Variants in DEPTOR observed in about 807,000 individuals in gnomAD.
DEPTOR encodes DEP domain-containing mTOR-interacting protein.
In DEPTOR, 41 loss-of-function variants were observed where a neutral mutation model predicts 41.6. The observed-to-expected ratio is 0.98, with a 90% CI of 0.77 to 1.28. The LOEUF (loss-of-function observed/expected upper bound fraction) is 1.28, where lower values mean the gene tolerates loss of function less well. DEPTOR is among the 50% of genes most tolerant of loss of function. The pLI, the probability that DEPTOR is intolerant of heterozygous loss-of-function variation, is 0.00. For synonymous variants in DEPTOR, 195 were observed against 192.3 expected, an observed-to-expected ratio of 1.01 and a Z score of -0.12; for missense variants, 514 against 527.9, an observed-to-expected ratio of 0.97 and a Z score of 0.26.
intron 1 of DEPTOR, among the ~76,000 whole-genome samples, chr8:119,904,356 T>C (rs112064984): frequency 0.014 from 2,078 of 152,190 alleles, 54 homozygotes; most frequent in African/African-American, 0.048. Flanking sequence ...TGACCTAAGA[T>C]GATCCACCCT....
At chr8:119,953,012 A>T (rs141397003) in intron 3 of DEPTOR, among the ~76,000 whole-genome samples, 147 of 152,356 alleles carry the variant, frequency 9.6e-4, no homozygotes, top group African/African-American at 3.3e-3. Context: ...TGAAAATTAT[A>T]TCAATTTAGC....
intron 3 of DEPTOR, among the ~76,000 whole-genome samples, chr8:119,948,044 T>C (rs1047134559): frequency 6.6e-6 from 1 of 152,152 alleles, no homozygotes; most frequent in African/African-American, 2.4e-5. Flanking sequence ...TCTTCTTAAC[T>C]TGGAACTTGA....
intron 5 of DEPTOR, among the ~76,000 whole-genome samples, 188 bp from the exon 6 acceptor site, chr8:120,002,789 A>ATATATATAT (rs1200601284): frequency 2.2e-4 from 13 of 59,242 alleles, no homozygotes; most frequent in African/African-American, 9.7e-4. Flanking sequence ...AAAAAAAAAA[A>ATATATATAT]AAATATATAT....
chr8:119,973,195 T>C (rs2129994643), intron 4 of DEPTOR, among the ~76,000 whole-genome samples: 1 of 152,138 alleles, frequency 6.6e-6, no homozygotes, highest in East Asian at 1.9e-4. Context: ...CACCTCAGCC[T>C]CCCAAAGTGT....
At chr8:120,014,672 C>T (rs2130118654) in intron 8 of DEPTOR, among the ~76,000 whole-genome samples, 1 of 152,052 alleles carries the variant, frequency 6.6e-6, no homozygotes. Context: ...GGACTACAGG[C>T]ATGTGCCACC....
chr8:119,932,262 G>A (rs1470020423), intron 3 of DEPTOR, among the ~76,000 whole-genome samples: 3 of 152,108 alleles, frequency 2.0e-5, no homozygotes, highest in Non-Finnish European at 4.4e-5. Context: ...TGGGACTACA[G>A]CCATGAGCTA....
rs1200601284 is a variant in DEPTOR, at chr8:120,002,789, A to ATATAT, written c.791-188_791-187insTATAT. Among the ~76,000 whole-genome samples, 207 of 59,200 alleles carry ATATAT rather than the reference A, an allele frequency of 3.5e-3. 1 individual carries two copies. Among genetic ancestry groups the ATATAT allele is most frequent in the Middle Eastern group, 0.014 (2 of 142 alleles). 38.8% of individuals were successfully genotyped at this position (59,200 alleles called of 152,430 possible). ...AAGACTCCATCTCAAAAAAAAAAAA[A>ATATAT]AAATATATATATATATATATATAAT... On this transcript the variant is annotated intron_variant, in intron 5 of 8. Transcript: ENST00000286234.
At chr8:119,948,718 C>A (rs7004896) in intron 3 of DEPTOR, among the ~76,000 whole-genome samples, 180 of 152,172 alleles carry the variant, frequency 1.2e-3, no homozygotes, top group African/African-American at 4.1e-3. Context: ...TTCATCTACC[C>A]CCTCATCCCT....
chr8:119,959,861 A>C (rs1828467677), intron 3 of DEPTOR, among the ~76,000 whole-genome samples: 1 of 152,098 alleles, frequency 6.6e-6, no homozygotes, highest in Admixed American at 6.6e-5. Context: ...CTTCTGTTAC[A>C]TGCTGAATGA....
intron 3 of DEPTOR, among the ~76,000 whole-genome samples, chr8:119,934,533 G>A (rs1828085406): frequency 6.6e-6 from 1 of 152,134 alleles, no homozygotes; most frequent in Non-Finnish European, 1.5e-5. Context: ...CTAAATCTCT[G>A]TGATCTGCAG....
chr8:120,021,090 G>GATAA (rs1491268129), intron 8 of DEPTOR, among the ~76,000 whole-genome samples: 1 of 18,580 alleles, frequency 5.4e-5, no homozygotes, highest in African/African-American at 1.7e-4. Context: ...AAATAAAATA[G>GATAA]GGCTGATAAT....
intron 3 of DEPTOR, among the ~76,000 whole-genome samples, chr8:119,956,793 G>C (rs1356188816): frequency 8.0e-6 from 1 of 124,598 alleles, no homozygotes; most frequent in Non-Finnish European, 1.6e-5. Context: ...GAAGTGCAAT[G>C]TCACAATCTC....
At chr8:119,874,095 G>A (rs1308675874) in intron 1 of DEPTOR, 127 bp downstream of exon 1, 1 of 1,504,266 alleles carries the variant, frequency 6.6e-7, no homozygotes, top group South Asian at 1.2e-5. Flanking sequence ...ACGGCTGCGG[G>A]CGCGTGGATG....
chr8:120,046,323 C>T (rs1274651318), intron 8 of DEPTOR, among the ~76,000 whole-genome samples: 1 of 151,936 alleles, frequency 6.6e-6, no homozygotes, highest in African/African-American at 2.4e-5. Flanking sequence ...AAAGAAACCC[C>T]GTACCCATTA....
At chr8:120,002,200 T>C (rs1812360138) in intron 5 of DEPTOR, among the ~76,000 whole-genome samples, 1 of 152,170 alleles carries the variant, frequency 6.6e-6, no homozygotes, top group Admixed American at 6.5e-5. Context: ...AGTGCAGTGG[T>C]GCAATCTTGG....
At chr8:120,010,617 C>CA (rs34215920) in intron 8 of DEPTOR, among the ~76,000 whole-genome samples, 6 of 124,756 alleles carry the variant, frequency 4.8e-5, no homozygotes, top group South Asian at 2.5e-4. Flanking sequence ...GACTCTGTCT[C>CA]AAAAAAAAAA....
At chr8:119,893,851 A>G (rs1002530786) in intron 1 of DEPTOR, among the ~76,000 whole-genome samples, 14 of 152,044 alleles carry the variant, frequency 9.2e-5, no homozygotes, top group African/African-American at 3.4e-4. Context: ...CTACCCTACC[A>G]GTGTTCCTCC....
chr8:119,937,740 A>G (rs890556132), intron 3 of DEPTOR, among the ~76,000 whole-genome samples: 4 of 152,214 alleles, frequency 2.6e-5, no homozygotes, highest in Non-Finnish European at 5.9e-5. Context: ...ACTCTCAGGA[A>G]GAGCAACAGC....
intron 1 of DEPTOR, chr8:119,874,496 G>T (rs748579111): frequency 6.2e-6 from 1 of 161,574 alleles, no homozygotes; most frequent in African/African-American, 2.4e-5. Flanking sequence ...TGTAAAACAG[G>T]GCTGATTCAA....
Sources: gnomAD v4.1 joint callset for allele counts (sites outside exome capture counted in the v4.1 genomes callset) on GRCh38, gnomAD v4.1.1 for gene constraint, MANE v1.5 for transcripts, NCBI Gene and HGNC (gene_info 2026-07-23, HGNC 2026-07-21) for gene names.